FAM241A: variants seen among roughly 807,000 people sequenced by gnomAD.
FAM241A encodes the protein uncharacterized protein FAM241A.
In FAM241A, 7 loss-of-function variants were observed where a neutral mutation model predicts 12.2. The observed-to-expected ratio is 0.58, with a 90% CI of 0.33 to 1.08. The LOEUF is 1.08. Ranked by LOEUF, FAM241A falls within the 50% of genes least tolerant of loss-of-function variation. The probability of loss-of-function intolerance (pLI) is 0.04; values close to 1 mark genes in which losing one functional copy is unlikely to be tolerated. For missense variants in FAM241A, 161 were observed against 169.7 expected (o/e 0.95, Z 0.29); for synonymous variants, 74 against 68.2 (o/e 1.08, Z -0.42).
chr4:112,165,756 G>A (rs893042262), intron 1 of FAM241A, among the ~76,000 whole-genome samples: 5 of 152,142 alleles, frequency 3.3e-5, no homozygotes, highest in African/African-American at 4.8e-5. Context: ...ACCAGAGGCT[G>A]GGAAGGGTAG....
intron 1 of FAM241A, among the ~76,000 whole-genome samples, chr4:112,160,448 A>G (rs1453434751): frequency 6.6e-6 from 1 of 151,906 alleles, no homozygotes; most frequent in Non-Finnish European, 1.5e-5. Context: ...CATGGATTGG[A>G]AGAATCAATA....
intron 1 of FAM241A, among the ~76,000 whole-genome samples, chr4:112,150,004 G>A (rs967719868): frequency 9.2e-5 from 14 of 151,802 alleles, no homozygotes; most frequent in South Asian, 4.1e-4. Flanking sequence ...ATGTATACAC[G>A]TATCTCTTTC....
At chr4:112,165,802 T>C (rs1196745083) in intron 1 of FAM241A, among the ~76,000 whole-genome samples, 1 of 152,124 alleles carries the variant, frequency 6.6e-6, no homozygotes, top group African/African-American at 2.4e-5. Flanking sequence ...GGTTAATGGT[T>C]ACAAAAAGAA....
intron 1 of FAM241A, among the ~76,000 whole-genome samples, chr4:112,179,365 G>A (rs7685606): frequency 0.38 from 57,172 of 151,970 alleles, 12,385 homozygotes; most frequent in South Asian, 0.52. Context: ...ACACCATGGA[G>A]TACTATGCAG....
rs1724105101 is a variant in FAM241A, at chr4:112,189,073, T to C, written c.*2135T>C. On this transcript the variant is annotated 3_prime_UTR_variant, in exon 2 of 2. Transcript: ENST00000309733. ...ATATCCTGAAATAAAACTGGTAATT[T>C]ATTTGGTTCATGGTATAAAGAATTA... 6.6e-6 allele frequency: 1 copy of C among 152,128 alleles called. No homozygotes were observed. 9.4% of individuals were successfully genotyped at this position (152,128 alleles called of 1,614,324 possible). A position where few individuals can be genotyped will look rare whatever the true frequency, so the allele number is the denominator to read the frequency against.
chr4:112,165,360 C>G (rs1320428969), intron 1 of FAM241A, among the ~76,000 whole-genome samples: 2 of 152,146 alleles, frequency 1.3e-5, no homozygotes, highest in African/African-American at 4.8e-5. Flanking sequence ...CCTCAAAAAA[C>G]TAAACATTGA....
At chr4:112,171,760 G>A (rs1723726210) in intron 1 of FAM241A, among the ~76,000 whole-genome samples, 1 of 152,138 alleles carries the variant, frequency 6.6e-6, no homozygotes, top group African/African-American at 2.4e-5. Flanking sequence ...TCAGGAGGCT[G>A]AGGCAGGAGA....
At position 112,188,914 on chromosome 4, in the gene FAM241A, ATTC is replaced by A. The variant is rs1175107803; in HGVS notation, c.*1979_*1981del. 2 of 152,162 alleles carry A rather than the reference ATTC, an allele frequency of 1.3e-5. No individual in the cohort carries two copies. The highest frequency in any genetic ancestry group is 2.9e-5 in the Non-Finnish European group (2 of 68,016). 9.4% of individuals were successfully genotyped at this position (152,162 alleles called of 1,614,324 possible). On this transcript the variant is annotated 3_prime_UTR_variant, in exon 2 of 2. Coordinates refer to ENST00000309733, the MANE Select transcript of FAM241A (RefSeq NM_152400.3). ...TAAAGAAATAAGATATTTTGCTGTT[ATTC>A]TTTCTACATATATTATTGGTCAGTA...
chr4:112,158,828 C>G (rs1177752317), intron 1 of FAM241A, among the ~76,000 whole-genome samples: 1 of 152,040 alleles, frequency 6.6e-6, no homozygotes, highest in Non-Finnish European at 1.5e-5. Context: ...TTTATTATTT[C>G]TTTGTGTTGG....
rs1483504434 is a variant in FAM241A, at chr4:112,188,030, G to A, written c.*1092G>A. 3 of 152,000 alleles carry A rather than the reference G, an allele frequency of 2.0e-5. No homozygotes were observed. Among genetic ancestry groups the A allele is most frequent in the Admixed American group, 6.6e-5 (1 of 15,248 alleles). The allele number at this position is 152,000 out of a possible 1,614,324, so 9.4% of individuals were successfully genotyped here. A position where few individuals can be genotyped will look rare whatever the true frequency, so the allele number is the denominator to read the frequency against. On this transcript the variant is annotated 3_prime_UTR_variant, in exon 2 of 2. Coordinates refer to ENST00000309733, the MANE Select transcript of FAM241A (RefSeq NM_152400.3). ...TAAGGCTAAAGTCACATCAGTAATT[G>A]GCTAGCCATGTTATTAAGGTGTCTT...
intron 1 of FAM241A, 39 bp from the exon 2 acceptor site, chr4:112,186,654 T>A (rs767851700): frequency 6.4e-7 from 1 of 1,568,738 alleles, no homozygotes; most frequent in East Asian, 2.2e-5. Context: ...ATATTTCTCA[T>A]GTTATGTTCA....
chr4:112,185,951 C>A (rs75691072), intron 1 of FAM241A, among the ~76,000 whole-genome samples: 4,062 of 152,236 alleles, frequency 0.027, 146 homozygotes, highest in South Asian at 0.1. Context: ...CCTCTATTGG[C>A]AGAGCCTAAC....
chr4:112,145,999 C>A (rs1723129663), intron 1 of FAM241A, among the ~76,000 whole-genome samples: 1 of 152,092 alleles, frequency 6.6e-6, no homozygotes, highest in Admixed American at 6.5e-5. Context: ...CCCCTGGCGT[C>A]CGGCAGAGGA....
intron 1 of FAM241A, among the ~76,000 whole-genome samples, chr4:112,182,958 CT>C (rs200053226): frequency 0.038 from 5,455 of 143,334 alleles, 269 homozygotes; most frequent in East Asian, 0.2. Context: ...TTTCCACGTT[CT>C]TTTTTTTTTT....
Position 112,187,809 on chromosome 4 carries a change from A to G in FAM241A, c.*871A>G, listed in dbSNP as rs1219172072. ...TATAATTTTATAGTTCTTTCATAAC[A>G]CTTATTCTGAGTTTTGAAACAATGT... On this transcript the variant is annotated 3_prime_UTR_variant, in exon 2 of 2. Transcript: ENST00000309733. 2 of 152,344 alleles carry G rather than the reference A, an allele frequency of 1.3e-5. No homozygotes were observed. Among genetic ancestry groups the G allele is most frequent in the Non-Finnish European group, 2.9e-5 (2 of 67,964 alleles). 9.4% of individuals were successfully genotyped at this position (152,344 alleles called of 1,614,324 possible).
Position 112,145,686 on chromosome 4 carries a change from G to T in FAM241A, c.106G>T (p.Gly36Trp). The T allele has an allele frequency of 8.3e-7, 1 of 1,208,784 alleles. No individual in the cohort carries two copies. Among genetic ancestry groups the T allele is most frequent in the Non-Finnish European group, 1.0e-6 (1 of 972,748 alleles). The allele number at this position is 1,208,784 out of a possible 1,614,324, so 74.9% of individuals were successfully genotyped here. Reference protein sequence around the residue: ...REAAGTGWDPGASPRRRGQRP... With the variant: ...REAAGTGWDPWASPRRRGQRP... ...GGCGGCAGGGACCGGGTGGGATCCC[G>T]GGGCGAGCCCGCGGCGGCGCGGACA... Residue 36 changes from glycine to tryptophan, a missense_variant, in exon 1 of 2, where the codon GGG becomes TGG. Coordinates refer to ENST00000309733, the MANE Select transcript of FAM241A (RefSeq NM_152400.3).
intron 1 of FAM241A, among the ~76,000 whole-genome samples, chr4:112,155,111 T>G (rs1723326031): frequency 6.6e-6 from 1 of 152,078 alleles, no homozygotes; most frequent in Non-Finnish European, 1.5e-5. Context: ...CAGTTATATA[T>G]CATTAGTTCA....
rs1375098048 is a variant in FAM241A at position 112,186,746 on chromosome 4, G to A, written c.207G>A (p.Lys69=). 3 of 1,612,908 alleles carry A rather than the reference G, an allele frequency of 1.9e-6. No individual in the cohort carries two copies. In the South Asian group the frequency reaches 3.3e-5, roughly 18 times the overall value. The change falls in exon 2 of 2, where the codon AAG becomes AAA. Residue 69 remains lysine (K), a synonymous_variant. Coordinates refer to ENST00000309733, the MANE Select transcript of FAM241A (RefSeq NM_152400.3). The part of the protein sequence containing the change: ...HTGEPVGDDY[K]KMGTLFGELN... ...GTGAGCCGGTTGGAGATGACTACAA[G>A]AAAATGGGAACACTTTTTGGTGAAC...
intron 1 of FAM241A, among the ~76,000 whole-genome samples, chr4:112,172,410 G>A (rs888289686): frequency 1.3e-5 from 2 of 152,138 alleles, no homozygotes; most frequent in African/African-American, 2.4e-5. Context: ...CCACAGAATC[G>A]GTTTGTGGTT....
Sources: allele counts gnomAD v4.1 joint callset (sites outside exome capture counted in the v4.1 genomes callset), GRCh38; gene constraint gnomAD v4.1.1; transcripts MANE v1.5; gene names NCBI Gene and HGNC (gene_info 2026-07-23, HGNC 2026-07-21).